The following TLK1 variants were observed in gnomAD, a reference collection of about 807,000 sequenced individuals.
TLK1 encodes the protein tousled like kinase 1, also known as serine/threonine-protein kinase tousled-like 1.
In TLK1, 24 loss-of-function variants were observed where a neutral mutation model predicts 105.3. That is an observed-to-expected ratio of 0.23 (90% CI 0.17 to 0.32). The LOEUF (loss-of-function observed/expected upper bound fraction) is 0.32. Ranked by LOEUF, TLK1 falls within the 10% of genes least tolerant of loss-of-function variation. TLK1 has a pLI of 1.00. For missense variants in TLK1, 558 were observed against 910.5 expected (o/e 0.61, Z 4.98); for synonymous variants, 321 against 310.4 (o/e 1.03, Z -0.36).
At chr2:171,014,246 A>T (rs186007122) in intron 13 of TLK1, among the ~76,000 whole-genome samples, 1 of 152,362 alleles carries the variant, frequency 6.6e-6, no homozygotes, top group East Asian at 1.9e-4. Flanking sequence ...TGAAGCTTAC[A>T]TTCTAGAGGG....
intron 1 of TLK1, among the ~76,000 whole-genome samples, chr2:171,191,395 C>A (rs1338175781): frequency 1.3e-5 from 2 of 150,526 alleles, no homozygotes; most frequent in African/African-American, 5.0e-5. Flanking sequence ...ATGGTGAGAC[C>A]CACCACCCCC....
chr2:171,215,981 G>T (rs1575662254), intron 1 of TLK1, among the ~76,000 whole-genome samples: 1 of 152,298 alleles, frequency 6.6e-6, no homozygotes, highest in African/African-American at 2.4e-5. Flanking sequence ...GCCAGGCGTT[G>T]TTCTAAGGAC....
intron 1 of TLK1, among the ~76,000 whole-genome samples, chr2:171,142,012 G>A (rs2105578656): frequency 6.6e-6 from 1 of 152,248 alleles, no homozygotes; most frequent in Non-Finnish European, 1.5e-5. Context: ...TAATTCTGGA[G>A]AGGGAAATGT....
At chr2:171,108,500 TAAC>T (rs1197986641) in intron 2 of TLK1, among the ~76,000 whole-genome samples, 4 of 151,872 alleles carry the variant, frequency 2.6e-5, no homozygotes, top group Non-Finnish European at 2.9e-5. Context: ...AGTCAGAAAA[TAAC>T]AATAATTACA....
At chr2:171,041,565 G>A (rs761465312) in intron 11 of TLK1, among the ~76,000 whole-genome samples, 43 of 152,180 alleles carry the variant, frequency 2.8e-4, no homozygotes, top group Non-Finnish European at 5.4e-4. Context: ...TTCTCATAGA[G>A]CACAAACCCT....
In TLK1 at chr2:171,040,909, T is replaced by C. The variant is rs139803457; in HGVS notation, c.1169+5265A>G. Among the ~76,000 whole-genome samples the C allele has an allele frequency of 1.9e-3, 288 of 152,282 alleles. 4 individuals carry two copies. Among genetic ancestry groups the C allele is most frequent in the African/African-American group, 6.3e-3 (263 of 41,548 alleles). ...TATTCTTAATTTAAAATTAAAGCTA[T>C]AATGGAAAAGCAATGACCTGTCCAA... On this transcript the variant is annotated intron_variant, in intron 11 of 20. Coordinates refer to ENST00000431350, the MANE Select transcript of TLK1 (RefSeq NM_012290.5).
At chr2:171,060,697 TAACTA>T (rs1473214453) in intron 4 of TLK1, among the ~76,000 whole-genome samples, 3 of 152,206 alleles carry the variant, frequency 2.0e-5, no homozygotes, top group African/African-American at 4.8e-5. Context: ...GATAATACTT[TAACTA>T]GAGTCTCTCA....
chr2:171,036,393 C>A (rs369656624), intron 11 of TLK1, among the ~76,000 whole-genome samples: 1 of 152,116 alleles, frequency 6.6e-6, no homozygotes, highest in Non-Finnish European at 1.5e-5. Context: ...TGTCTCCCCC[C>A]CCAAAAAAAG....
intron 2 of TLK1, among the ~76,000 whole-genome samples, chr2:171,083,472 C>T (rs1159284058): frequency 1.3e-5 from 2 of 152,170 alleles, no homozygotes; most frequent in Non-Finnish European, 2.9e-5. Flanking sequence ...ATGATGTCTG[C>T]TTTGTTTCCA....
intron 2 of TLK1, among the ~76,000 whole-genome samples, chr2:171,115,176 T>G (rs1478271292): frequency 7.0e-6 from 1 of 142,884 alleles, no homozygotes; most frequent in Non-Finnish European, 1.5e-5. Context: ...ATTTCTTTCT[T>G]TTTTTTTTTT....
chr2:171,192,536 C>T (rs1367907578), intron 1 of TLK1, among the ~76,000 whole-genome samples: 1 of 151,914 alleles, frequency 6.6e-6, no homozygotes, highest in Non-Finnish European at 1.5e-5. Context: ...AAAAATTAGC[C>T]GGGCATGGTT....
chr2:171,065,593 A>T (rs1371330006), intron 3 of TLK1, among the ~76,000 whole-genome samples: 1 of 150,616 alleles, frequency 6.6e-6, no homozygotes, highest in Non-Finnish European at 1.5e-5. Flanking sequence ...GCTGGAGTGC[A>T]GCGGCGCAAT....
At chr2:171,198,694 A>T (rs1466482967) in intron 1 of TLK1, among the ~76,000 whole-genome samples, 1 of 152,216 alleles carries the variant, frequency 6.6e-6, no homozygotes, top group Non-Finnish European at 1.5e-5. Context: ...TGACTAAAGG[A>T]TGGAGATGAG....
chr2:171,080,105 G>A (rs1575581008), intron 3 of TLK1, among the ~76,000 whole-genome samples: 2 of 150,092 alleles, frequency 1.3e-5, no homozygotes, highest in African/African-American at 4.9e-5. Context: ...GTTGAGGCAG[G>A]AAAATTGCTT....
chr2:171,016,502 T>C (rs1685219910), intron 12 of TLK1, among the ~76,000 whole-genome samples: 1 of 152,220 alleles, frequency 6.6e-6, no homozygotes, highest in African/African-American at 2.4e-5. Flanking sequence ...GTGTACCCAC[T>C]AGAATTATAA....
intron 3 of TLK1, among the ~76,000 whole-genome samples, chr2:171,072,745 G>T (rs979936853): frequency 1.3e-5 from 2 of 151,942 alleles, no homozygotes; most frequent in African/African-American, 4.8e-5. Context: ...TCCAGCCTGG[G>T]CAACAGAACA....
At chr2:171,019,159 A>G (rs1685353546) in intron 12 of TLK1, among the ~76,000 whole-genome samples, 1 of 152,192 alleles carries the variant, frequency 6.6e-6, no homozygotes, top group Non-Finnish European at 1.5e-5. Context: ...CAGCAACTTC[A>G]CTAAAAGACT....
At chr2:171,042,420 T>A (rs902288407) in intron 11 of TLK1, among the ~76,000 whole-genome samples, 2 of 152,008 alleles carry the variant, frequency 1.3e-5, no homozygotes, top group African/African-American at 4.8e-5. Context: ...AATTTTTTTT[T>A]TTATTTTTGT....
chr2:171,204,696 C>A (rs890182551), intron 1 of TLK1, among the ~76,000 whole-genome samples: 2 of 152,134 alleles, frequency 1.3e-5, no homozygotes, highest in African/African-American at 4.8e-5. Context: ...TGGTGGTTCA[C>A]GCCTGTAATC....
Sources: gnomAD v4.1 joint callset for allele counts (sites outside exome capture counted in the v4.1 genomes callset) on GRCh38, gnomAD v4.1.1 for gene constraint, MANE v1.5 for transcripts, NCBI Gene and HGNC (gene_info 2026-07-23, HGNC 2026-07-21) for gene names.